Variants in RASA1 observed in about 807,000 individuals in gnomAD.
The protein encoded by RASA1 is RAS p21 protein activator 1.
Under a neutral mutation model 132.2 loss-of-function variants are expected in RASA1, and 25 were observed. The ratio of observed to expected loss-of-function variants is 0.19; its 90% CI spans 0.14 to 0.26. The LOEUF (loss-of-function observed/expected upper bound fraction) is 0.26. RASA1 is among the 10% of genes least tolerant of loss of function. The pLI is 1.00. For missense variants in RASA1, 964 were observed against 1,299.2 expected (o/e 0.74, Z 3.97); for synonymous variants, 477 against 449.9 (o/e 1.06, Z -0.76).
intron 1 of RASA1, among the ~76,000 whole-genome samples, chr5:87,286,163 G>A (rs1193782777): frequency 6.6e-6 from 1 of 151,936 alleles, no homozygotes; most frequent in African/African-American, 2.4e-5. Context: ...CACCACCCCT[G>A]GCTAATTTTT....
At chr5:87,287,026 T>TACCATATATATAC (rs1754613638) in intron 1 of RASA1, among the ~76,000 whole-genome samples, 1 of 147,166 alleles carries the variant, frequency 6.8e-6, no homozygotes, top group Non-Finnish European at 1.5e-5. Flanking sequence ...ACCATATATA[T>TACCATATATATAC]ACCATATATA....
chr5:87,372,347 A>T, intron 13 of RASA1, 152 bp downstream of exon 13: 3 of 690,190 alleles, frequency 4.3e-6, no homozygotes, highest in Non-Finnish European at 7.6e-6. Flanking sequence ...TTACTTCTTT[A>T]TGAAAGAGAA....
In RASA1 at chr5:87,364,218, T is replaced by G. The variant is rs1280070752; in HGVS notation, c.1610+714T>G. 2.6e-5 allele frequency among the ~76,000 whole-genome samples: 4 copies of G among 152,290 alleles called. No homozygotes were observed. In the South Asian group the frequency reaches 8.3e-4, roughly 32 times the overall value. ...TTGTTTTTCTGCCGCAGGATGGCAT[T>G]TCTGTGAGGCAAATCTACGTTTTAT... is the stretch of plus-strand genomic sequence containing the variant. On this transcript the variant is annotated intron_variant, in intron 11 of 24. Coordinates refer to ENST00000274376, the MANE Select transcript of RASA1 (RefSeq NM_002890.3).
intron 1 of RASA1, among the ~76,000 whole-genome samples, chr5:87,284,965 T>G (rs990562962): frequency 6.6e-6 from 1 of 152,060 alleles, no homozygotes; most frequent in African/African-American, 2.4e-5. Context: ...TGTGATAGAA[T>G]AACATTTAAC....
chr5:87,271,452 CTTTTTTTT>C (rs201918763), intron 1 of RASA1, among the ~76,000 whole-genome samples: 21 of 38,216 alleles, frequency 5.5e-4, no homozygotes, highest in South Asian at 8.5e-4. Context: ...TAGTAGACTT[CTTTTTTTT>C]TTTTTTTTTT....
At chr5:87,374,939 TAA>T in intron 15 of RASA1, 23 bp downstream of exon 15, 2 of 1,595,046 alleles carry the variant, frequency 1.3e-6, no homozygotes, top group Middle Eastern at 1.8e-4. Flanking sequence ...AGAAACTTTC[TAA>T]AATAGAAAAA....
At position 87,353,246 on chromosome 5, in the gene RASA1, C is replaced by G. The variant is rs1195674669; in HGVS notation, c.1332+11C>G. 1.3e-6 allele frequency: 2 copies of G among 1,583,556 alleles called. No homozygotes were observed. The highest frequency in any genetic ancestry group is 2.7e-5 in the African/African-American group (2 of 74,174). ...CCTGTACCAATGCAGGTCAGTGTTGCATTTCTTATTGCAATAATTAGCATT... is the reference window on the plus strand; with the variant it reads ...CCTGTACCAATGCAGGTCAGTGTTGGATTTCTTATTGCAATAATTAGCATT... On this transcript the variant is annotated intron_variant, in intron 9 of 24. Transcript: ENST00000274376.
At chr5:87,374,442 C>CATGCATAT in intron 14 of RASA1, 122 bp downstream of exon 14, 2 of 282,848 alleles carry the variant, frequency 7.1e-6, no homozygotes, top group Non-Finnish European at 1.2e-5. Flanking sequence ...GTTCTAATAG[C>CATGCATAT]ATATATATAT....
rs1175743459 is a variant in RASA1 at position 87,268,402 on chromosome 5, C to G, written c.-50C>G. 6.7e-7 allele frequency: 1 copy of G among 1,483,478 alleles called. No individual in the cohort carries two copies. Among genetic ancestry groups the G allele is most frequent in the South Asian group, 1.4e-5 (1 of 73,372 alleles). The allele number at this position is 1,483,478 out of a possible 1,614,324, so 91.9% of individuals were successfully genotyped here. ...TGCTCGGAGCCCGGGCCTGGTGGCC[C>G]CTGGGGCTCCCGGGCGGGCAGGGTA... On this transcript the variant is annotated 5_prime_UTR_variant, in exon 1 of 25. Coordinates refer to ENST00000274376, the MANE Select transcript of RASA1 (RefSeq NM_002890.3).
Position 87,380,891 on chromosome 5 carries a change from G to C in RASA1, c.2690+296G>C, listed in dbSNP as rs186534449. On this transcript the variant is annotated intron_variant, in intron 20 of 24. Coordinates refer to ENST00000274376, the MANE Select transcript of RASA1 (RefSeq NM_002890.3). ...CAAAATCTGTAGCTAACTTCATATAGTATTCTTCATACATACACACACATT... is the reference window on the plus strand; with the variant it reads ...CAAAATCTGTAGCTAACTTCATATACTATTCTTCATACATACACACACATT... Among the ~76,000 whole-genome samples the C allele has an allele frequency of 2.9e-4, 44 of 152,284 alleles. No individual in the cohort carries two copies. The East Asian group carries it at 8.5e-3, about 29-fold the overall frequency.
chr5:87,318,018 A>G (rs1756480422), intron 1 of RASA1, among the ~76,000 whole-genome samples: 1 of 152,052 alleles, frequency 6.6e-6, no homozygotes, highest in Non-Finnish European at 1.5e-5. Context: ...TATAATAGAT[A>G]GTTGTAATGA....
chr5:87,350,198 G>T (rs758934364), intron 8 of RASA1, among the ~76,000 whole-genome samples: 1 of 151,814 alleles, frequency 6.6e-6, no homozygotes, highest in Non-Finnish European at 1.5e-5. Flanking sequence ...CTAGTTGCTT[G>T]CTGGAAGCTC....
At chr5:87,324,141 C>T (rs995632836) in intron 1 of RASA1, among the ~76,000 whole-genome samples, 15 of 152,178 alleles carry the variant, frequency 9.9e-5, no homozygotes, top group Admixed American at 9.8e-4. Flanking sequence ...TGGTATGATA[C>T]TATAATTGTT....
chr5:87,295,570 G>A (rs910030070), intron 1 of RASA1, among the ~76,000 whole-genome samples: 2 of 151,466 alleles, frequency 1.3e-5, no homozygotes, highest in Non-Finnish European at 2.9e-5. Flanking sequence ...GTACAGTGGC[G>A]TGATGTTGTC....
intron 1 of RASA1, among the ~76,000 whole-genome samples, chr5:87,271,181 T>C (rs1365263776): frequency 6.6e-6 from 1 of 152,048 alleles, no homozygotes. Context: ...AAGGTTGCAG[T>C]GAGCCGAGAT....
At chr5:87,380,916 T>A (rs771870773) in intron 20 of RASA1, among the ~76,000 whole-genome samples, 6 of 152,174 alleles carry the variant, frequency 3.9e-5, no homozygotes, top group Non-Finnish European at 8.8e-5. Flanking sequence ...ACACACACAT[T>A]GATTGGCAGT....
chr5:87,354,441 C>T (rs1759503337), intron 9 of RASA1, among the ~76,000 whole-genome samples: 1 of 152,050 alleles, frequency 6.6e-6, no homozygotes, highest in Non-Finnish European at 1.5e-5. Flanking sequence ...TTTAATGTTA[C>T]TATTGCAATT....
chr5:87,391,287 C>T lies in RASA1; in HGVS notation c.*404C>T, dbSNP rs1762497844. The T allele has an allele frequency of 2.7e-6, 1 of 374,468 alleles. No homozygotes were observed. The highest frequency in any genetic ancestry group is 4.3e-5 in the Admixed American group (1 of 23,484). 23.2% of individuals were successfully genotyped at this position (374,468 alleles called of 1,614,324 possible). ...CTGACAAGAAACACATTCTTATTGA[C>T]AATTGTGTATAACTGGATTGCAGAC... On this transcript the variant is annotated 3_prime_UTR_variant, in exon 25 of 25. Transcript: ENST00000274376.
intron 11 of RASA1, 23 bp from the exon 12 acceptor site, chr5:87,369,790 T>C: frequency 1.3e-6 from 2 of 1,561,672 alleles, no homozygotes; most frequent in South Asian, 2.2e-5. Context: ...AGCTTCCTAA[T>C]AATTTTTGTT....
Sources: gnomAD v4.1 joint callset for allele counts (sites outside exome capture counted in the v4.1 genomes callset) on GRCh38, gnomAD v4.1.1 for gene constraint, MANE v1.5 for transcripts, NCBI Gene and HGNC (gene_info 2026-07-23, HGNC 2026-07-21) for gene names.